Variants in ANO1 observed in about 807,000 individuals in gnomAD.
ANO1 encodes the protein anoctamin 1.
Under a neutral mutation model 124.0 loss-of-function variants are expected in ANO1, and 59 were observed. That is an observed-to-expected ratio of 0.48 (90% CI 0.39 to 0.59). The LOEUF is 0.59. ANO1 is among the 20% of genes least tolerant of loss of function. The pLI, the probability that ANO1 is intolerant of heterozygous loss-of-function variation, is 0.00. For synonymous variants in ANO1, 529 were observed against 532.0 expected, an observed-to-expected ratio of 0.99 and a Z score of 0.08; for missense variants, 1,059 against 1,328.0, an observed-to-expected ratio of 0.80 and a Z score of 3.15.
Position 70,153,099 on chromosome 11 carries a change from T to G in ANO1, c.1396T>G (p.Ser466Ala). Residue 466 changes from serine (S) to alanine (A), a missense_variant, in exon 14 of 26, where the codon TCT (serine) becomes GCT (alanine). Ser to Ala is a moderately conservative substitution (Grantham distance 99). Transcript: ENST00000355303. ...ATACGAAGCCAGAGTCTTGGAGAAG[T>G]CTCTGAAGAAAGAGTCCAGAAACAA... ...AEYEARVLEK[S>A]LKKESRNKEK... 1 of 1,607,518 alleles carries G rather than the reference T, an allele frequency of 6.2e-7. No homozygotes were observed. Among genetic ancestry groups the G allele is most frequent in the Admixed American group, 1.7e-5 (1 of 59,164 alleles).
intron 22 of ANO1, among the ~76,000 whole-genome samples, chr11:70,178,745 G>T (rs2048824912): frequency 6.6e-6 from 1 of 152,214 alleles, no homozygotes; most frequent in Admixed American, 6.5e-5. Context: ...TGTATTTTTA[G>T]TAGAGATGGG....
In ANO1 at chr11:70,103,242, G is replaced by A. The variant is rs1281402414; in HGVS notation, c.540+78G>A. ...TGGACGCCTGGCAGTGAAACATGCC[G>A]ACCTCGAGGCCCTGAGTTTTATAAA... On this transcript the variant is annotated intron_variant, in intron 3 of 25. Coordinates refer to ENST00000355303, the MANE Select transcript of ANO1 (RefSeq NM_018043.7). 61 of 1,147,164 alleles carry A rather than the reference G, an allele frequency of 5.3e-5. 1 individual carries two copies. The highest frequency in any genetic ancestry group is 4.2e-4 in the South Asian group (29 of 69,202). 71.1% of individuals were successfully genotyped at this position (1,147,164 alleles called of 1,614,324 possible). A position where few individuals can be genotyped will look rare whatever the true frequency, so the allele number is the denominator to read the frequency against.
At chr11:70,131,107 G>A (rs1279369759) in intron 10 of ANO1, among the ~76,000 whole-genome samples, 4 of 152,188 alleles carry the variant, frequency 2.6e-5, no homozygotes, top group Admixed American at 1.3e-4. Context: ...ATGGGGGCAG[G>A]CTGGGAACTC....
At chr11:69,988,930 GAGGAAGGAAGGAAAGA>G (rs1303004010) in intron 1 of ANO1, among the ~76,000 whole-genome samples, 5 of 149,846 alleles carry the variant, frequency 3.3e-5, no homozygotes, top group Non-Finnish European at 5.9e-5. Context: ...AGGAAGGAAT[GAGGAAGGAAGGAAAGA>G]AGGAAGGAAG....
intron 2 of ANO1, among the ~76,000 whole-genome samples, chr11:70,088,294 G>A (rs866052044): frequency 1.7e-4 from 26 of 152,162 alleles, no homozygotes; most frequent in African/African-American, 6.3e-4. Context: ...GGTGGTTCAC[G>A]AGGTCAAGAG....
intron 9 of ANO1, among the ~76,000 whole-genome samples, chr11:70,125,822 C>T (rs1392248233): frequency 7.8e-5 from 11 of 140,452 alleles, no homozygotes; most frequent in Admixed American, 2.3e-4. Flanking sequence ...CCAGCCTGGG[C>T]AACAGAGCGA....
intron 1 of ANO1, among the ~76,000 whole-genome samples, chr11:69,988,527 A>C (rs940542153): frequency 1.5e-4 from 23 of 152,264 alleles, no homozygotes; most frequent in African/African-American, 4.8e-4. Context: ...TGCAAGCTTC[A>C]TCCATATGAC....
Position 70,167,292 on chromosome 11 carries a change from C to A in ANO1, c.2102C>A (p.Pro701His). ...RYLKLKQQSP[P>H]DHEECVKRKQ... ...CTGAAGCTGAAGCAGCAGAGCCCCC[C>A]TGACCACGAGGAGTGTGTGAAGAGG... The change falls in exon 21 of 26, where the codon CCT (proline) becomes CAT (histidine). Residue 701 changes from proline (P) to histidine (H), a missense_variant. Transcript: ENST00000355303. The A allele has an allele frequency of 6.2e-7, 1 of 1,614,024 alleles. No homozygotes were observed. Among genetic ancestry groups the A allele is most frequent in the Non-Finnish European group, 8.5e-7 (1 of 1,179,892 alleles).
chr11:69,968,080 C>G, the ANO1 span, among the ~76,000 whole-genome samples: 1 of 152,156 alleles, frequency 6.6e-6, no homozygotes, highest in Non-Finnish European at 1.5e-5. Flanking sequence ...ATCTATCCGA[C>G]CAGCCCCATC....
At position 70,085,881 on chromosome 11, in the gene ANO1, C is replaced by A. The variant is rs972539269; in HGVS notation, c.109-1871C>A. Among the ~76,000 whole-genome samples, 25 of 152,276 alleles carry A rather than the reference C, an allele frequency of 1.6e-4. 1 individual carries two copies. The highest frequency in any genetic ancestry group is 1.5e-3 in the Admixed American group (23 of 15,292). Reference sequence around the variant, plus strand: ...CCTCGAATGAGGGATTCTGCCTGCCCCTTTTCCCGACCAGTGCACAGCCAT... The same window carrying A: ...CCTCGAATGAGGGATTCTGCCTGCCACTTTTCCCGACCAGTGCACAGCCAT... On this transcript the variant is annotated intron_variant, in intron 1 of 25. Transcript: ENST00000355303.
intron 16 of ANO1, among the ~76,000 whole-genome samples, chr11:70,158,879 G>T (rs528241365): frequency 6.6e-6 from 1 of 152,018 alleles, no homozygotes; most frequent in South Asian, 2.1e-4. Flanking sequence ...TTGTGCTCTC[G>T]GTGACTTGGT....
chr11:69,975,011 G>T, the ANO1 span, among the ~76,000 whole-genome samples: 942 of 152,326 alleles, frequency 6.2e-3, 7 homozygotes, highest in African/African-American at 0.021. Flanking sequence ...AGCTACGGAG[G>T]CAGCCTGGGA....
Position 70,116,505 on chromosome 11 carries a change from T to C in ANO1, c.897+6T>C, listed in dbSNP as rs1253142828. On this transcript the variant is annotated splice_donor_region_variant and intron_variant, in intron 8 of 25. Coordinates refer to ENST00000355303, the MANE Select transcript of ANO1 (RefSeq NM_018043.7). Reference sequence around the variant, plus strand: ...TCGAGTTCAACGACAGAAAAGTAAGTTGATGGAGCGGAGCAGGAGGTGGCT... The same window carrying C: ...TCGAGTTCAACGACAGAAAAGTAAGCTGATGGAGCGGAGCAGGAGGTGGCT... 1.3e-6 allele frequency: 2 copies of C among 1,590,786 alleles called. No individual in the cohort carries two copies. The highest frequency in any genetic ancestry group is 1.7e-6 in the Non-Finnish European group (2 of 1,168,582).
intron 8 of ANO1, among the ~76,000 whole-genome samples, chr11:70,123,370 G>T (rs2046372626): frequency 6.6e-6 from 1 of 152,202 alleles, no homozygotes; most frequent in African/African-American, 2.4e-5. Flanking sequence ...TCAGTGGGGG[G>T]TCTCTATAGT....
At chr11:70,111,148 G>A (rs553250822) in intron 6 of ANO1, 5 of 456,932 alleles carry the variant, frequency 1.1e-5, no homozygotes, top group Non-Finnish European at 2.2e-5. Flanking sequence ...GAAGAAAGAA[G>A]GACTCCGCCC....
intron 22 of ANO1, among the ~76,000 whole-genome samples, chr11:70,173,313 A>G (rs1312449162): frequency 6.6e-6 from 1 of 152,190 alleles, no homozygotes; most frequent in East Asian, 1.9e-4. Flanking sequence ...GTAAGAGGTC[A>G]TGGCACTGTG....
chr11:70,143,062 T>A (rs192649456), intron 11 of ANO1, among the ~76,000 whole-genome samples: 2 of 152,260 alleles, frequency 1.3e-5, no homozygotes, highest in African/African-American at 4.8e-5. Context: ...GGACCCCACA[T>A]GCACAGTCCA....
At chr11:70,129,319 G>A (rs2046651328) in intron 10 of ANO1, 1 of 152,264 alleles carries the variant, frequency 6.6e-6, no homozygotes, top group Non-Finnish European at 1.5e-5. Context: ...TTGGTTGTTG[G>A]TTGTTTAATC....
intron 1 of ANO1, among the ~76,000 whole-genome samples, chr11:70,027,486 T>C (rs1381055835): frequency 6.6e-6 from 1 of 152,234 alleles, no homozygotes; most frequent in Non-Finnish European, 1.5e-5. Context: ...AGTTGAATAA[T>C]CCTCAGCGGA....
Sources: gnomAD v4.1 joint callset for allele counts (sites outside exome capture counted in the v4.1 genomes callset) on GRCh38, gnomAD v4.1.1 for gene constraint, MANE v1.5 for transcripts, NCBI Gene and HGNC (gene_info 2026-07-23, HGNC 2026-07-21) for gene names.